Variants in SHB observed in about 807,000 individuals in gnomAD.
SHB encodes the protein SH2 domain-containing adapter protein B.
A neutral mutation model predicts 52.3 loss-of-function variants in SHB; 20 were observed. The observed-to-expected ratio is 0.38, with a 90% CI of 0.27 to 0.56. The LOEUF is 0.56. Among genes scored for constraint, SHB ranks in the 20% least tolerant of loss-of-function variants. The pLI is 0.71. For synonymous variants in SHB, 397 were observed against 316.5 expected (o/e 1.25, Z -2.70); for missense variants, 825 against 723.3 (o/e 1.14, Z -1.61).
rs756196479 is a variant in SHB, at chr9:38,068,552, G to A, written c.94C>T (p.Arg32Cys). 114 of 1,460,946 alleles carry A rather than the reference G, an allele frequency of 7.8e-5. 1 individual carries two copies. The Admixed American group carries it at 2.9e-3, about 38-fold the overall frequency. The allele number at this position is 1,460,946 out of a possible 1,614,324, so 90.5% of individuals were successfully genotyped here. A position where few individuals can be genotyped will look rare whatever the true frequency, so the allele number is the denominator to read the frequency against. ...PPRPDYREQR[R>C]RGERPSQPPQ... ...GGCTGCGAAGGCCGCTCGCCTCGGC[G>A]CCGCTGCTCGCGGTAGTCTGGCCGC... The change falls in exon 1 of 6, where the codon CGC (arginine) becomes TGC (cysteine). Residue 32 changes from arginine (R) to cysteine (C), a missense_variant. By Grantham distance (180) the Arg-to-Cys change is radical. Transcript: ENST00000377707.
rs779864653 is a variant in SHB, at chr9:37,918,421, C to CTGTGTGTGTG, written c.*1390_*1399dup. On this transcript the variant is annotated 3_prime_UTR_variant, in exon 6 of 6. Coordinates refer to ENST00000377707, the MANE Select transcript of SHB (RefSeq NM_003028.3). ...TGGAAGCAGTGTGGACCACTGAGGGCTGTGTGTGTGTGTGTGTGTGTGTGT... is the reference window on the plus strand; with the variant it reads ...TGGAAGCAGTGTGGACCACTGAGGGCTGTGTGTGTGTGTGTGTGTGTGTGTGTGTGTGTGT... Among the ~76,000 whole-genome samples, 2 of 92,050 alleles carry CTGTGTGTGTG rather than the reference C, an allele frequency of 2.2e-5. No individual in the cohort carries two copies. The highest frequency in any genetic ancestry group is 4.7e-5 in the Non-Finnish European group (2 of 42,892). 60.4% of individuals were successfully genotyped at this position (92,050 alleles called of 152,430 possible).
chr9:37,963,859 G>T (rs1832720209), intron 3 of SHB, among the ~76,000 whole-genome samples: 1 of 152,196 alleles, frequency 6.6e-6, no homozygotes, highest in African/African-American at 2.4e-5. Flanking sequence ...GGCCTCTGCT[G>T]TTTCAGCTTT....
At chr9:37,976,668 C>T (rs1360034986) in intron 2 of SHB, among the ~76,000 whole-genome samples, 2 of 152,112 alleles carry the variant, frequency 1.3e-5, no homozygotes, top group African/African-American at 4.8e-5. Flanking sequence ...TGTATATTCA[C>T]CGTCCATGTT....
At chr9:37,947,837 T>A (rs1351430213) in intron 5 of SHB, among the ~76,000 whole-genome samples, 2 of 152,212 alleles carry the variant, frequency 1.3e-5, no homozygotes, top group African/African-American at 4.8e-5. Context: ...TTCTGGGGGA[T>A]CTGTGCTGGC....
intron 5 of SHB, among the ~76,000 whole-genome samples, chr9:37,931,951 C>T (rs1386560926): frequency 1.3e-5 from 2 of 151,904 alleles, no homozygotes; most frequent in Non-Finnish European, 2.9e-5. Context: ...GCCTGAAGGA[C>T]ATTAGGGGCA....
chr9:37,937,827 G>A (rs1298524433), intron 5 of SHB, among the ~76,000 whole-genome samples: 5 of 152,172 alleles, frequency 3.3e-5, no homozygotes, highest in Admixed American at 6.5e-5. Context: ...GGTGGGAGCT[G>A]GGACTTCTGG....
chr9:38,028,859 C>T (rs369709730), intron 1 of SHB, among the ~76,000 whole-genome samples: 1 of 152,206 alleles, frequency 6.6e-6, no homozygotes, highest in South Asian at 2.1e-4. Context: ...ATACAGCACA[C>T]AGATGCATGC....
intron 2 of SHB, among the ~76,000 whole-genome samples, chr9:37,982,608 T>C (rs192212402): frequency 1.3e-5 from 2 of 149,754 alleles, no homozygotes; most frequent in East Asian, 4.0e-4. Flanking sequence ...CTGGCTAACA[T>C]GGTGAAACCC....
intron 1 of SHB, among the ~76,000 whole-genome samples, chr9:38,016,570 A>G (rs1480305493): frequency 1.3e-5 from 2 of 152,256 alleles, no homozygotes; most frequent in African/African-American, 4.8e-5. Flanking sequence ...GAGGCACAGA[A>G]GAGTTTGTCT....
At chr9:37,948,610 TG>T in intron 5 of SHB, 24 bp downstream of exon 5, 5 of 1,612,034 alleles carry the variant, frequency 3.1e-6, no homozygotes, top group Admixed American at 1.7e-5. Context: ...CGAGGAGGGC[TG>T]GGGGTGCTCG....
intron 3 of SHB, among the ~76,000 whole-genome samples, chr9:37,967,185 C>T (rs1820536388): frequency 6.6e-6 from 1 of 152,194 alleles, no homozygotes; most frequent in Non-Finnish European, 1.5e-5. Context: ...TTAACCTATG[C>T]CAGGTTTATA....
chr9:37,970,511 C>T, intron 3 of SHB, among the ~76,000 whole-genome samples: 1 of 152,166 alleles, frequency 6.6e-6, no homozygotes, highest in Non-Finnish European at 1.5e-5. Flanking sequence ...GAGGCAGTGC[C>T]TGAGAGGTGC....
At chr9:37,986,392 GC>G (rs1301486434) in intron 2 of SHB, among the ~76,000 whole-genome samples, 3 of 151,968 alleles carry the variant, frequency 2.0e-5, no homozygotes, top group African/African-American at 7.3e-5. Flanking sequence ...ACAGGGAATG[GC>G]CCCCACAGAA....
At chr9:38,003,768 T>G (rs1259491942) in intron 2 of SHB, among the ~76,000 whole-genome samples, 1 of 152,124 alleles carries the variant, frequency 6.6e-6, no homozygotes, top group Non-Finnish European at 1.5e-5. Flanking sequence ...GCACTAACCC[T>G]TCCCCCAGTA....
chr9:38,037,849 T>C (rs541857281), intron 1 of SHB, among the ~76,000 whole-genome samples: 5 of 152,224 alleles, frequency 3.3e-5, no homozygotes, highest in South Asian at 2.1e-4. Context: ...CACAGGCTCA[T>C]TGGGGGATAG....
intron 1 of SHB, among the ~76,000 whole-genome samples, chr9:38,066,022 CTCA>C (rs1821956373): frequency 6.6e-6 from 1 of 152,204 alleles, no homozygotes; most frequent in Non-Finnish European, 1.5e-5. Flanking sequence ...CATCATAGCA[CTCA>C]TCACCATCAC....
In SHB at chr9:37,959,197, C is replaced by G. The variant is rs1441256832; in HGVS notation, c.1055-3143G>C. Reference sequence around the variant, plus strand: ...AGCTTGACTACTTGTGGGAGTGAGTCCGGGATAACTGCTGTGTGATGCCCA... The same window carrying G: ...AGCTTGACTACTTGTGGGAGTGAGTGCGGGATAACTGCTGTGTGATGCCCA... On this transcript the variant is annotated intron_variant, in intron 3 of 5. Transcript: ENST00000377707. Among the ~76,000 whole-genome samples, 3 of 152,042 alleles carry G rather than the reference C, an allele frequency of 2.0e-5. No homozygotes were observed. The South Asian group carries it at 6.2e-4, about 32-fold the overall frequency.
intron 2 of SHB, among the ~76,000 whole-genome samples, chr9:37,997,831 G>A (rs1288429812): frequency 2.0e-5 from 3 of 152,226 alleles, no homozygotes; most frequent in Non-Finnish European, 4.4e-5. Flanking sequence ...TGTCCAGGGC[G>A]ACAGCAGCTT....
chr9:38,021,429 G>A (rs1821281471), intron 1 of SHB, among the ~76,000 whole-genome samples: 1 of 152,178 alleles, frequency 6.6e-6, no homozygotes. Context: ...GCCGAGGTGG[G>A]CAGATAACCT....
Sources: allele counts gnomAD v4.1 joint callset (sites outside exome capture counted in the v4.1 genomes callset), GRCh38; gene constraint gnomAD v4.1.1; transcripts MANE v1.5; gene names NCBI Gene and HGNC (gene_info 2026-07-23, HGNC 2026-07-21).